SPATS2L: variants seen among roughly 807,000 people sequenced by gnomAD.
The protein encoded by SPATS2L is spermatogenesis associated serine rich 2 like.
A neutral mutation model predicts 59.6 loss-of-function variants in SPATS2L; 30 were observed. The observed-to-expected ratio is 0.50, with a 90% CI of 0.38 to 0.68. The LOEUF is 0.68. Ranked by LOEUF, SPATS2L falls within the 30% of genes least tolerant of loss-of-function variation. The pLI is 0.00. For missense variants in SPATS2L, 615 were observed against 700.0 expected (o/e 0.88, Z 1.37); for synonymous variants, 252 against 263.5 (o/e 0.96, Z 0.42).
chr2:200,329,540 C>A, intron 2 of SPATS2L, 60 bp downstream of exon 2: 6 of 1,442,160 alleles, frequency 4.2e-6, no homozygotes, highest in Non-Finnish European at 5.7e-6. Flanking sequence ...GCCAGCTGTC[C>A]CTACACCTGC....
In SPATS2L at chr2:200,306,822, C is replaced by A; in HGVS notation, c.-173C>A. 2 of 980,856 alleles carry A rather than the reference C, an allele frequency of 2.0e-6. No individual in the cohort carries two copies. The highest frequency in any genetic ancestry group is 2.4e-6 in the Non-Finnish European group (2 of 828,132). 60.8% of individuals were successfully genotyped at this position (980,856 alleles called of 1,614,324 possible). On this transcript the variant is annotated 5_prime_UTR_variant, in exon 1 of 13. Transcript: ENST00000409140. ...AGCGGCTCCCGCTCGGCCCGCCCTC[C>A]GAGCCGCAGGGGCCGCCACCGCCGC... is the stretch of plus-strand genomic sequence containing the variant.
intron 2 of SPATS2L, among the ~76,000 whole-genome samples, chr2:200,334,460 G>A (rs1259981804): frequency 6.6e-6 from 1 of 151,448 alleles, no homozygotes; most frequent in East Asian, 1.9e-4. Context: ...TCTGTAGGTT[G>A]CCTGTTCACT....
intron 1 of SPATS2L, chr2:200,308,838 T>G: frequency 5.5e-6 from 3 of 541,488 alleles, no homozygotes; most frequent in Admixed American, 3.4e-5. Context: ...ATGTGCTCAT[T>G]TAGACAGGCA....
At chr2:200,415,372 G>A (rs914274390) in intron 4 of SPATS2L, among the ~76,000 whole-genome samples, 10 of 152,078 alleles carry the variant, frequency 6.6e-5, no homozygotes, top group African/African-American at 2.4e-4. Flanking sequence ...ATAAAGACCA[G>A]CCTGAAATTT....
At chr2:200,306,436 G>T (rs955467614), upstream of SPATS2L, 8 of 1,002,164 alleles carry the variant, frequency 8.0e-6, no homozygotes, top group African/African-American at 1.2e-4. Flanking sequence ...AGCTGTACTG[G>T]GATTCTTCTA....
At chr2:200,401,917 G>GGAT (rs1271433636) in intron 3 of SPATS2L, among the ~76,000 whole-genome samples, 1 of 152,134 alleles carries the variant, frequency 6.6e-6, no homozygotes, top group Non-Finnish European at 1.5e-5. Flanking sequence ...ATCTGGACAT[G>GGAT]GATGTCTCAC....
chr2:200,473,709 A>G (rs2087258275), intron 12 of SPATS2L, among the ~76,000 whole-genome samples: 1 of 152,190 alleles, frequency 6.6e-6, no homozygotes, highest in Non-Finnish European at 1.5e-5. Flanking sequence ...TTAACAAAAA[A>G]TTGGGATCTG....
intron 6 of SPATS2L, among the ~76,000 whole-genome samples, chr2:200,437,792 T>G (rs2084401482): frequency 6.6e-6 from 1 of 152,238 alleles, no homozygotes; most frequent in Non-Finnish European, 1.5e-5. Context: ...ATGAATGGAC[T>G]AATGTCTAAA....
At position 200,363,086 on chromosome 2, in the gene SPATS2L, A is replaced by G. The variant is rs73986832; in HGVS notation, c.-22-26137A>G. 4.5e-3 allele frequency among the ~76,000 whole-genome samples: 688 copies of G among 152,284 alleles called. 8 individuals carry two copies. Among genetic ancestry groups the G allele is most frequent in the African/African-American group, 0.015 (633 of 41,566 alleles). On this transcript the variant is annotated intron_variant, in intron 2 of 12. Coordinates refer to ENST00000409140, the MANE Select transcript of SPATS2L (RefSeq NM_001100423.2). ...ATTGCCCCTCGATCCAGATCCTTCT[A>G]TTAGTCTCAGTTATTGCTACACGTC...
rs1196002480 is a variant in SPATS2L at position 200,329,497 on chromosome 2, C to A, written c.-23+17C>A. 2 of 1,545,614 alleles carry A rather than the reference C, an allele frequency of 1.3e-6. No individual in the cohort carries two copies. The highest frequency in any genetic ancestry group is 2.0e-5 in the Admixed American group (1 of 50,984). On this transcript the variant is annotated intron_variant, in intron 2 of 12. Transcript: ENST00000409140. The stretch of plus-strand genomic sequence containing the variant: ...GATTCCCAGGTGAGTAGAGATGGTC[C>A]TTCCCTCTCTGTGACCTCCTCCTGC...
At chr2:200,470,458 G>A (rs1364520102) in intron 11 of SPATS2L, among the ~76,000 whole-genome samples, 1 of 152,130 alleles carries the variant, frequency 6.6e-6, no homozygotes, top group East Asian at 1.9e-4. Flanking sequence ...TCCACCCTCG[G>A]TTCTCTGTGC....
At chr2:200,412,899 A>G (rs1400462230) in intron 4 of SPATS2L, among the ~76,000 whole-genome samples, 1 of 151,868 alleles carries the variant, frequency 6.6e-6, no homozygotes, top group Non-Finnish European at 1.5e-5. Flanking sequence ...AAAAAAATAT[A>G]TATATAAATT....
At chr2:200,319,674 C>T (rs2079500308) in intron 1 of SPATS2L, among the ~76,000 whole-genome samples, 1 of 151,684 alleles carries the variant, frequency 6.6e-6, no homozygotes, top group Admixed American at 6.6e-5. Context: ...TTGATCAGGG[C>T]ACTCTTTTAT....
intron 3 of SPATS2L, among the ~76,000 whole-genome samples, chr2:200,402,389 C>G (rs765209210): frequency 6.6e-5 from 10 of 152,216 alleles, no homozygotes; most frequent in Non-Finnish European, 1.3e-4. Flanking sequence ...CTCCAGCAAT[C>G]TTTGACCTTC....
chr2:200,425,529 C>G (rs2083518156), intron 6 of SPATS2L, among the ~76,000 whole-genome samples: 1 of 152,158 alleles, frequency 6.6e-6, no homozygotes, highest in Non-Finnish European at 1.5e-5. Context: ...GTTAACCACT[C>G]TGCATCTCAC....
At chr2:200,462,977 T>C (rs1265533720) in intron 9 of SPATS2L, among the ~76,000 whole-genome samples, 4 of 152,002 alleles carry the variant, frequency 2.6e-5, no homozygotes, top group East Asian at 1.9e-4. Flanking sequence ...CAAGTAGTTA[T>C]TGTAAAGATA....
chr2:200,470,357 AGAGT>A, intron 11 of SPATS2L, among the ~76,000 whole-genome samples: 2 of 152,336 alleles, frequency 1.3e-5, no homozygotes, highest in East Asian at 3.9e-4. Flanking sequence ...TTAGGCAGAG[AGAGT>A]GAGTCTTCCT....
intron 6 of SPATS2L, among the ~76,000 whole-genome samples, chr2:200,429,943 G>A (rs1458239939): frequency 2.0e-5 from 3 of 152,098 alleles, no homozygotes; most frequent in Non-Finnish European, 4.4e-5. Flanking sequence ...GTTATTTCAT[G>A]TGATTTCAGA....
At chr2:200,363,023 T>C (rs2081158373) in intron 2 of SPATS2L, among the ~76,000 whole-genome samples, 1 of 152,182 alleles carries the variant, frequency 6.6e-6, no homozygotes, top group Non-Finnish European at 1.5e-5. Flanking sequence ...ATCGCATGCA[T>C]GATCACTGTG....
Sources: gnomAD v4.1 joint callset for allele counts (sites outside exome capture counted in the v4.1 genomes callset) on GRCh38, gnomAD v4.1.1 for gene constraint, MANE v1.5 for transcripts, NCBI Gene and HGNC (gene_info 2026-07-23, HGNC 2026-07-21) for gene names.